Variants in CRACR2A observed in about 807,000 individuals in gnomAD.
CRACR2A encodes the protein EF-hand calcium-binding domain-containing protein 4B.
CRACR2A carries 79 observed loss-of-function variants against 90.5 expected under a neutral mutation model. The observed-to-expected ratio is 0.87, with a 90% CI of 0.73 to 1.05. CRACR2A has a LOEUF of 1.05. CRACR2A is among the 50% of genes least tolerant of loss of function. CRACR2A has a pLI of 0.00. For synonymous variants in CRACR2A, 338 were observed against 356.7 expected (o/e 0.95, Z 0.59); for missense variants, 823 against 897.2 (o/e 0.92, Z 1.06).
chr12:3,682,569 T>G (rs374766066), intron 4 of CRACR2A, among the ~76,000 whole-genome samples: 50 of 152,312 alleles, frequency 3.3e-4, no homozygotes, highest in African/African-American at 1.1e-3. Context: ...CAGCGCTGAG[T>G]GCTTCTTCAG....
chr12:3,644,570 A>C, intron 12 of CRACR2A, 25 bp downstream of exon 12: 2 of 1,550,622 alleles, frequency 1.3e-6, no homozygotes, highest in Non-Finnish European at 8.7e-7. Flanking sequence ...GGTCCCCCAC[A>C]GGTAAGGGAG....
intron 2 of CRACR2A, chr12:3,728,764 G>T (rs1946312884): frequency 6.6e-6 from 1 of 152,294 alleles, no homozygotes; most frequent in African/African-American, 2.4e-5. Context: ...CAAAGGGAGG[G>T]AGGGTTCCTT....
chr12:3,715,156 C>T (rs560195304), intron 2 of CRACR2A, among the ~76,000 whole-genome samples: 7 of 152,284 alleles, frequency 4.6e-5, no homozygotes, highest in Admixed American at 6.5e-5. Context: ...TGGGATATGG[C>T]GAAGAAGCAA....
chr12:3,655,860 A>C (rs563429177), intron 9 of CRACR2A, among the ~76,000 whole-genome samples: 2 of 152,374 alleles, frequency 1.3e-5, no homozygotes, highest in Admixed American at 1.3e-4. Flanking sequence ...GGGAAGAGAC[A>C]GGCTGACCTT....
chr12:3,710,068 AG>A (rs1416419707), intron 3 of CRACR2A, among the ~76,000 whole-genome samples: 2 of 152,202 alleles, frequency 1.3e-5, no homozygotes, highest in African/African-American at 4.8e-5. Flanking sequence ...GAACACTGCT[AG>A]GAAGACCTGT....
At chr12:3,673,272 C>T (rs1237730396) in intron 7 of CRACR2A, among the ~76,000 whole-genome samples, 174 bp downstream of exon 7, 2 of 152,112 alleles carry the variant, frequency 1.3e-5, no homozygotes, top group Admixed American at 6.5e-5. Flanking sequence ...AAAAAGGTGA[C>T]GGAGAGCTTA....
intron 3 of CRACR2A, among the ~76,000 whole-genome samples, chr12:3,706,377 T>C (rs779481432): frequency 6.6e-6 from 1 of 152,180 alleles, no homozygotes; most frequent in African/African-American, 2.4e-5. Flanking sequence ...CCCTGTTCCA[T>C]AGGAGAGTGT....
intron 3 of CRACR2A, among the ~76,000 whole-genome samples, chr12:3,707,302 C>G (rs1220658802): frequency 2.0e-5 from 3 of 152,212 alleles, no homozygotes; most frequent in Non-Finnish European, 4.4e-5. Flanking sequence ...ACAGCTGTCT[C>G]CTACCTCTGT....
At chr12:3,616,081 T>C (rs972972470) in intron 19 of CRACR2A, among the ~76,000 whole-genome samples, 2 of 152,252 alleles carry the variant, frequency 1.3e-5, no homozygotes, top group South Asian at 2.1e-4. Flanking sequence ...GAAGGTGTGA[T>C]TGATGTTCCT....
intron 7 of CRACR2A, among the ~76,000 whole-genome samples, chr12:3,671,108 C>T (rs1442208059): frequency 2.0e-5 from 3 of 152,192 alleles, no homozygotes; most frequent in Non-Finnish European, 4.4e-5. Context: ...GATGCCAGGG[C>T]TAAGCAGCTC....
chr12:3,681,353 G>A (rs1945447567), intron 4 of CRACR2A, among the ~76,000 whole-genome samples: 3 of 152,222 alleles, frequency 2.0e-5, no homozygotes, highest in Non-Finnish European at 2.9e-5. Context: ...AAGATAGTGT[G>A]AGGAGGTTAT....
intron 1 of CRACR2A, among the ~76,000 whole-genome samples, chr12:3,742,496 CGAA>C (rs1228922514): frequency 6.6e-6 from 1 of 152,062 alleles, no homozygotes; most frequent in African/African-American, 2.4e-5. Flanking sequence ...CCCGTCTAGA[CGAA>C]GGAGGAAGGA....
At chr12:3,683,246 A>G (rs1024651021) in intron 4 of CRACR2A, among the ~76,000 whole-genome samples, 2 of 152,194 alleles carry the variant, frequency 1.3e-5, no homozygotes, top group Non-Finnish European at 2.9e-5. Flanking sequence ...GCAACTGTCT[A>G]ATAGTTCTCC....
chr12:3,691,003 C>T (rs893205654), intron 4 of CRACR2A, among the ~76,000 whole-genome samples: 1 of 152,116 alleles, frequency 6.6e-6, no homozygotes, highest in Non-Finnish European at 1.5e-5. Context: ...CATTCGCCTG[C>T]TAGATTTTTC....
In CRACR2A at chr12:3,732,095, G is replaced by A. The variant is rs56382339; in HGVS notation, c.-118+847C>T. 5.5e-3 allele frequency: 830 copies of A among 152,164 alleles called. 7 individuals carry two copies. The highest frequency in any genetic ancestry group is 8.0e-3 in the Admixed American group (122 of 15,288). 9.4% of individuals were successfully genotyped at this position (152,164 alleles called of 1,614,324 possible). A position where few individuals can be genotyped will look rare whatever the true frequency, so the allele number is the denominator to read the frequency against. ...GCCAACTCGGGTGGCAAAAGTACCC[G>A]CCATTGCTCCTTCTCAGCAGGTGCC... On this transcript the variant is annotated intron_variant, in intron 2 of 19. Transcript: ENST00000440314.
chr12:3,735,490 T>C (rs1040185623), intron 1 of CRACR2A, among the ~76,000 whole-genome samples: 2 of 152,162 alleles, frequency 1.3e-5, no homozygotes, highest in South Asian at 2.1e-4. Context: ...CAACCAACAA[T>C]GGTGGCAACT....
rs1944413967 is a variant in CRACR2A, at chr12:3,633,722, G to A, written c.1617C>T (p.Pro539=). The A allele has an allele frequency of 6.4e-7, 1 of 1,551,736 alleles. No individual in the cohort carries two copies. The highest frequency in any genetic ancestry group is 2.4e-5 in the East Asian group (1 of 40,910). ...TCTTGAAGAGCCGGTCAGGGGCAGAGGGAGAGCTTTCCTCCTGTGGATGGC... is the reference window on the plus strand; with the variant it reads ...TCTTGAAGAGCCGGTCAGGGGCAGAAGGAGAGCTTTCCTCCTGTGGATGGC... ...KEALCKEESS[P]SAPDRLFKIV... Residue 539 remains proline, a synonymous_variant, in exon 15 of 20, where the codon CCC becomes CCT. Coordinates refer to ENST00000440314, the MANE Select transcript of CRACR2A (RefSeq NM_001144958.2). This position sits in a 1 kb window ranked among gnomAD's most constrained non-coding sequence, Gnocchi z 4.5.
chr12:3,712,347 T>C (rs1472514359), intron 3 of CRACR2A, among the ~76,000 whole-genome samples: 1 of 152,174 alleles, frequency 6.6e-6, no homozygotes, highest in African/African-American at 2.4e-5. Context: ...TTAATTGGCT[T>C]ATGGTTCTGC....
rs114614586 is a variant in CRACR2A, at chr12:3,680,782, C to T, written c.229-433G>A. 3.7e-3 allele frequency among the ~76,000 whole-genome samples: 565 copies of T among 152,310 alleles called. 2 individuals carry two copies. Among genetic ancestry groups the T allele is most frequent in the African/African-American group, 0.012 (518 of 41,572 alleles). ...CTGATTCCAAAGCCAGCACTCTCAA[C>T]ATCTGTAAAGGACTCAAACTGTACA... On this transcript the variant is annotated intron_variant, in intron 4 of 19. Transcript: ENST00000440314.
Sources: allele counts gnomAD v4.1 joint callset (sites outside exome capture counted in the v4.1 genomes callset), GRCh38; gene constraint gnomAD v4.1.1; non-coding constraint Gnocchi (gnomAD v3.1); transcripts MANE v1.5; gene names NCBI Gene and HGNC (gene_info 2026-07-23, HGNC 2026-07-21).